Variants in SLC38A1 observed in about 807,000 individuals in gnomAD.
The protein encoded by SLC38A1 is sodium-coupled neutral amino acid symporter 1.
In SLC38A1, 18 loss-of-function variants were observed where a neutral mutation model predicts 60.3. The observed-to-expected ratio is 0.30, with a 90% CI of 0.21 to 0.44. SLC38A1 has a LOEUF of 0.44. SLC38A1 is among the 20% of genes least tolerant of loss of function. SLC38A1 has a pLI of 1.00. For missense variants in SLC38A1, 448 were observed against 587.2 expected (o/e 0.76, Z 2.45); for synonymous variants, 196 against 212.1 (o/e 0.92, Z 0.66).
rs181352745 is a variant in SLC38A1 at position 46,200,356 on chromosome 12, T to C, written c.1003+742A>G. Among the ~76,000 whole-genome samples, 531 of 151,972 alleles carry C rather than the reference T, an allele frequency of 3.5e-3. 1 individual carries two copies. Among genetic ancestry groups the C allele is most frequent in the Non-Finnish European group, 5.6e-3 (383 of 67,950 alleles). Reference sequence around the variant, plus strand: ...AAGAATTATTATTTAGTAGAGAAGATTGTGAAATACATACATATATATATA... The same window carrying C: ...AAGAATTATTATTTAGTAGAGAAGACTGTGAAATACATACATATATATATA... On this transcript the variant is annotated intron_variant, in intron 13 of 16. Coordinates refer to ENST00000398637, the MANE Select transcript of SLC38A1 (RefSeq NM_030674.4).
intron 5 of SLC38A1, among the ~76,000 whole-genome samples, chr12:46,212,477 T>G (rs776651053): frequency 1.3e-5 from 2 of 152,230 alleles, no homozygotes; most frequent in Non-Finnish European, 2.9e-5. Context: ...AAGGTGTTGA[T>G]ATTTCAGACT....
intron 5 of SLC38A1, among the ~76,000 whole-genome samples, chr12:46,210,003 A>C (rs981974993): frequency 1.3e-5 from 2 of 152,222 alleles, no homozygotes; most frequent in African/African-American, 4.8e-5. Flanking sequence ...ATATCCCTAG[A>C]ACAATACATA....
chr12:46,199,052 C>T (rs1423071557), intron 13 of SLC38A1, among the ~76,000 whole-genome samples: 2 of 151,708 alleles, frequency 1.3e-5, no homozygotes, highest in African/African-American at 4.8e-5. Flanking sequence ...AGTTGAAACG[C>T]GAAGCTGCTC....
At chr12:46,227,150 A>G (rs1317298781) in intron 5 of SLC38A1, among the ~76,000 whole-genome samples, 1 of 152,246 alleles carries the variant, frequency 6.6e-6, no homozygotes, top group African/African-American at 2.4e-5. Context: ...AAATAGAGCA[A>G]TACCTTCAAA....
intron 5 of SLC38A1, among the ~76,000 whole-genome samples, chr12:46,224,272 T>C (rs912534697): frequency 3.9e-5 from 6 of 152,084 alleles, no homozygotes; most frequent in Admixed American, 3.3e-4. Context: ...AGAGGATATA[T>C]ACCTGCAGAA....
At chr12:46,189,622 G>A (rs964611436) in intron 16 of SLC38A1, among the ~76,000 whole-genome samples, 1 of 152,194 alleles carries the variant, frequency 6.6e-6, no homozygotes, top group East Asian at 1.9e-4. Flanking sequence ...GATATGGTTT[G>A]GCTGTGTCCC....
chr12:46,190,410 C>T (rs1268629699), intron 16 of SLC38A1, among the ~76,000 whole-genome samples: 1 of 152,152 alleles, frequency 6.6e-6, no homozygotes, highest in African/African-American at 2.4e-5. Flanking sequence ...GTGCATGTGT[C>T]TTTATAGTAG....
intron 16 of SLC38A1, among the ~76,000 whole-genome samples, chr12:46,195,293 C>T (rs554873579): frequency 2.6e-5 from 4 of 152,262 alleles, no homozygotes; most frequent in African/African-American, 9.6e-5. Context: ...ATATTGCTGC[C>T]TGATCCTTCC....
At chr12:46,225,952 T>C (rs913593129) in intron 5 of SLC38A1, among the ~76,000 whole-genome samples, 1 of 152,180 alleles carries the variant, frequency 6.6e-6, no homozygotes, top group African/African-American at 2.4e-5. Context: ...AGACTTAAAA[T>C]ACATATCAAC....
chr12:46,263,012 G>T (rs575289296), intron 1 of SLC38A1, among the ~76,000 whole-genome samples: 8 of 152,204 alleles, frequency 5.3e-5, no homozygotes, highest in African/African-American at 1.2e-4. Flanking sequence ...TAAGAAGGTG[G>T]ACTTGTAGAC....
At chr12:46,199,051 G>A (rs1255034741) in intron 13 of SLC38A1, among the ~76,000 whole-genome samples, 3 of 151,916 alleles carry the variant, frequency 2.0e-5, no homozygotes, top group Non-Finnish European at 4.4e-5. Context: ...CAGTTGAAAC[G>A]CGAAGCTGCT....
At chr12:46,202,953 G>A in intron 12 of SLC38A1, 57 bp downstream of exon 12, 1 of 1,294,358 alleles carries the variant, frequency 7.7e-7, no homozygotes, top group Non-Finnish European at 1.1e-6. Flanking sequence ...TTGCATACTT[G>A]CCTATTAATG....
At chr12:46,242,342 T>A (rs1941473363) in intron 2 of SLC38A1, among the ~76,000 whole-genome samples, 1 of 152,190 alleles carries the variant, frequency 6.6e-6, no homozygotes, top group Admixed American at 6.5e-5. Context: ...CAGTTCAACT[T>A]ATCATATATT....
chr12:46,231,120 T>C (rs1420757264), intron 3 of SLC38A1, among the ~76,000 whole-genome samples: 1 of 144,634 alleles, frequency 6.9e-6, no homozygotes, highest in Non-Finnish European at 1.5e-5. Flanking sequence ...TATGTCACCA[T>C]AACAAATAAT....
chr12:46,202,150 C>T (rs1939687483), intron 12 of SLC38A1, among the ~76,000 whole-genome samples: 2 of 149,430 alleles, frequency 1.3e-5, no homozygotes, highest in African/African-American at 5.0e-5. Context: ...TGAGATCACA[C>T]CATAGCACTA....
rs1939026983 is a variant in SLC38A1, at chr12:46,188,898, T to G, written c.*72A>C. On this transcript the variant is annotated 3_prime_UTR_variant, in exon 17 of 17. Transcript: ENST00000398637. Reference sequence around the variant, plus strand: ...TGCTTCTGTAAACTTGCAAAAGAAGTGGTGAGAGATTGCTGATGTGTGGGG... The same window carrying G: ...TGCTTCTGTAAACTTGCAAAAGAAGGGGTGAGAGATTGCTGATGTGTGGGG... 4 of 1,213,924 alleles carry G rather than the reference T, an allele frequency of 3.3e-6. No homozygotes were observed. In the South Asian group the frequency reaches 4.9e-5, roughly 15 times the overall value. 75.2% of individuals were successfully genotyped at this position (1,213,924 alleles called of 1,614,324 possible). A position where few individuals can be genotyped will look rare whatever the true frequency, so the allele number is the denominator to read the frequency against.
chr12:46,264,150 A>G (rs1942282523), intron 1 of SLC38A1, among the ~76,000 whole-genome samples: 1 of 152,194 alleles, frequency 6.6e-6, no homozygotes, highest in South Asian at 2.1e-4. Flanking sequence ...ATCTAAAACC[A>G]TCACCTGACC....
At position 46,203,023 on chromosome 12, in the gene SLC38A1, T is replaced by A; in HGVS notation, c.889A>T (p.Ser297Cys). 6.2e-7 allele frequency: 1 copy of A among 1,613,682 alleles called. No individual in the cohort carries two copies. The highest frequency in any genetic ancestry group is 1.3e-5 in the African/African-American group (1 of 75,042). ...VCHPSVLPIY[S>C]ELKDRSQKKM... The stretch of plus-strand genomic sequence containing the variant: ...CAAATTTCTTACTCTTTAAGCTCAC[T>A]GTAAATTGGCAGGACTGACGGGTGG... The change falls in exon 12 of 17, where the codon AGT (serine) becomes TGT (cysteine). Residue 297 changes from serine (S) to cysteine (C), a missense_variant. By Grantham distance (112) the Ser-to-Cys change is moderately radical. This residue lies in a region of SLC38A1 where 346 missense variants were observed against 497.5 expected (regional missense o/e 0.70). Coordinates refer to ENST00000398637, the MANE Select transcript of SLC38A1 (RefSeq NM_030674.4).
chr12:46,267,351 G>A (rs769703492), intron 1 of SLC38A1: 5 of 152,234 alleles, frequency 3.3e-5, no homozygotes, highest in South Asian at 2.1e-4. Flanking sequence ...ACAAACCCCG[G>A]GTCCGCGCCG....
Sources: allele counts gnomAD v4.1 joint callset (sites outside exome capture counted in the v4.1 genomes callset), GRCh38; gene constraint gnomAD v4.1.1; regional missense constraint gnomAD v4.1.1; transcripts MANE v1.5; gene names NCBI Gene and HGNC (gene_info 2026-07-23, HGNC 2026-07-21).